RALYL: variants seen among roughly 807,000 people sequenced by gnomAD.
RALYL encodes RALY RNA binding protein like, also known as RNA-binding Raly-like protein.
In RALYL, 29 loss-of-function variants were observed where a neutral mutation model predicts 35.1. That is an observed-to-expected ratio of 0.83 (90% CI 0.61 to 1.13). The LOEUF (loss-of-function observed/expected upper bound fraction) is 1.13, where lower values mean the gene tolerates loss of function less well. RALYL is among the 50% of genes most tolerant of loss of function. The probability of loss-of-function intolerance (pLI) is 0.00; values close to 1 mark genes in which losing one functional copy is unlikely to be tolerated. For missense variants in RALYL, 359 were observed against 360.4 expected, an observed-to-expected ratio of 1.00 and a Z score of 0.03; for synonymous variants, 120 against 127.6, an observed-to-expected ratio of 0.94 and a Z score of 0.40.
chr8:84,323,139 G>A (rs538870788), intron 1 of RALYL, among the ~76,000 whole-genome samples: 15 of 152,026 alleles, frequency 9.9e-5, no homozygotes, highest in East Asian at 5.8e-4. Context: ...ATTCAGCTTC[G>A]TTTCCTCCAG....
At chr8:84,608,179 T>A (rs1330370912) in intron 2 of RALYL, among the ~76,000 whole-genome samples, 1 of 152,110 alleles carries the variant, frequency 6.6e-6, no homozygotes. Flanking sequence ...CACAATTGCC[T>A]AGAGCATCTC....
At chr8:84,408,941 A>T (rs2043830916) in intron 1 of RALYL, among the ~76,000 whole-genome samples, 1 of 152,194 alleles carries the variant, frequency 6.6e-6, no homozygotes, top group Non-Finnish European at 1.5e-5. Flanking sequence ...AACCTTTTAA[A>T]TAAATATTTT....
At chr8:84,843,692 G>A (rs964717595) in intron 4 of RALYL, among the ~76,000 whole-genome samples, 1 of 152,282 alleles carries the variant, frequency 6.6e-6, no homozygotes, top group Admixed American at 6.5e-5. Flanking sequence ...AAAGCTGGAG[G>A]CATCACACTA....
At chr8:84,425,019 C>T (rs1054994509) in intron 1 of RALYL, among the ~76,000 whole-genome samples, 38 of 152,082 alleles carry the variant, frequency 2.5e-4, no homozygotes, top group Admixed American at 9.8e-4. Context: ...CTGTGCCCTG[C>T]CCCCAGAGGT....
At chr8:84,411,991 T>TGATA (rs760715704) in intron 1 of RALYL, among the ~76,000 whole-genome samples, 7 of 151,906 alleles carry the variant, frequency 4.6e-5, no homozygotes, top group Non-Finnish European at 8.8e-5. Flanking sequence ...AGAAGAAGTA[T>TGATA]GATAATATAC....
intron 1 of RALYL, among the ~76,000 whole-genome samples, chr8:84,434,089 C>T (rs2047443063): frequency 6.6e-6 from 1 of 151,920 alleles, no homozygotes; most frequent in Non-Finnish European, 1.5e-5. Context: ...GCTACAAGTC[C>T]AAGATCAAGG....
At chr8:84,347,512 C>T (rs1301008201) in intron 1 of RALYL, among the ~76,000 whole-genome samples, 3 of 151,996 alleles carry the variant, frequency 2.0e-5, no homozygotes, top group African/African-American at 7.2e-5. Flanking sequence ...CTAATCTGCC[C>T]TCTCTAAGGT....
Position 84,350,413 on chromosome 8 carries a change from C to T in RALYL, c.-24+165989C>T, listed in dbSNP as rs745309964. Reference sequence around the variant, plus strand: ...ATGAAGAATTTTTTTAAATATTTGCCTATGAATTTAGTTTGCTTTATTTTT... The same window carrying T: ...ATGAAGAATTTTTTTAAATATTTGCTTATGAATTTAGTTTGCTTTATTTTT... On this transcript the variant is annotated intron_variant, in intron 1 of 8. Transcript: ENST00000521268. 1.3e-4 allele frequency among the ~76,000 whole-genome samples: 20 copies of T among 150,442 alleles called. 2 individuals are homozygous for T. Among genetic ancestry groups the T allele is most frequent in the Non-Finnish European group, 2.5e-4 (17 of 67,710 alleles).
At chr8:84,452,546 A>T (rs190732419) in intron 1 of RALYL, among the ~76,000 whole-genome samples, 73 of 152,024 alleles carry the variant, frequency 4.8e-4, no homozygotes, top group African/African-American at 1.7e-3. Context: ...CTGGTTATCA[A>T]TATAAGGGTG....
At chr8:84,823,573 G>A (rs2134263218) in intron 4 of RALYL, among the ~76,000 whole-genome samples, 1 of 152,146 alleles carries the variant, frequency 6.6e-6, no homozygotes, top group South Asian at 2.1e-4. Context: ...AGGGAGACTA[G>A]AAAGCCCTGA....
At chr8:84,628,685 A>G (rs1823275816) in intron 2 of RALYL, among the ~76,000 whole-genome samples, 1 of 152,072 alleles carries the variant, frequency 6.6e-6, no homozygotes, top group African/African-American at 2.4e-5. Flanking sequence ...CCATCACGGT[A>G]GGGTGCTGCT....
chr8:84,540,313 T>TTGTGTGTG (rs138650642), intron 2 of RALYL, among the ~76,000 whole-genome samples: 20 of 144,974 alleles, frequency 1.4e-4, no homozygotes, highest in African/African-American at 4.5e-4. Flanking sequence ...ATCATAGGAT[T>TTGTGTGTG]TGTGTGTGTG....
At chr8:84,275,715 A>G (rs980434555) in intron 1 of RALYL, among the ~76,000 whole-genome samples, 1 of 152,090 alleles carries the variant, frequency 6.6e-6, no homozygotes, top group African/African-American at 2.4e-5. Context: ...GGTAACCAAC[A>G]TGCTACTTTC....
intron 1 of RALYL, among the ~76,000 whole-genome samples, chr8:84,232,153 T>C (rs1305567536): frequency 6.6e-6 from 1 of 152,148 alleles, no homozygotes; most frequent in Non-Finnish European, 1.5e-5. Context: ...TTTGGGTGAC[T>C]TACCAACCCA....
intron 2 of RALYL, among the ~76,000 whole-genome samples, chr8:84,621,165 A>G (rs1821321310): frequency 6.6e-6 from 1 of 152,168 alleles, no homozygotes; most frequent in Non-Finnish European, 1.5e-5. Flanking sequence ...ACGCCTGGGC[A>G]ATGGTGGGTG....
At chr8:84,661,978 T>C (rs748530143) in intron 2 of RALYL, among the ~76,000 whole-genome samples, 6 of 151,880 alleles carry the variant, frequency 4.0e-5, no homozygotes, top group Non-Finnish European at 5.9e-5. Context: ...ATACTTCTTA[T>C]AGTTGTCCAG....
intron 1 of RALYL, among the ~76,000 whole-genome samples, chr8:84,405,856 T>C (rs1169442628): frequency 6.8e-6 from 1 of 146,102 alleles, no homozygotes; most frequent in African/African-American, 2.6e-5. Flanking sequence ...GACAGAGTCT[T>C]GCTCTGTCAC....
At chr8:84,313,611 T>G (rs1216531623) in intron 1 of RALYL, among the ~76,000 whole-genome samples, 1 of 152,184 alleles carries the variant, frequency 6.6e-6, no homozygotes. Flanking sequence ...AAGTTCAAAT[T>G]TGCATAGATC....
At chr8:84,243,545 A>C (rs1367932581) in intron 1 of RALYL, among the ~76,000 whole-genome samples, 2 of 123,336 alleles carry the variant, frequency 1.6e-5, no homozygotes, top group African/African-American at 6.5e-5. Flanking sequence ...TCAGCTTTTC[A>C]GAGTGGAACA....
Sources: allele counts gnomAD v4.1 joint callset (sites outside exome capture counted in the v4.1 genomes callset), GRCh38; gene constraint gnomAD v4.1.1; transcripts MANE v1.5; gene names NCBI Gene and HGNC (gene_info 2026-07-23, HGNC 2026-07-21).